NTRK3: variants seen among roughly 807,000 people sequenced by gnomAD.
The protein encoded by NTRK3 is neurotrophic receptor tyrosine kinase 3.
Under a neutral mutation model 91.7 loss-of-function variants are expected in NTRK3, and 24 were observed. The observed-to-expected ratio is 0.26, with a 90% CI of 0.19 to 0.37. The LOEUF is 0.37. Among genes scored for constraint, NTRK3 ranks in the 10% least tolerant of loss-of-function variants. The pLI, the probability that NTRK3 is intolerant of heterozygous loss-of-function variation, is 1.00. For missense variants in NTRK3, 880 were observed against 1,068.9 expected, an observed-to-expected ratio of 0.82 and a Z score of 2.46; for synonymous variants, 483 against 404.0, an observed-to-expected ratio of 1.20 and a Z score of -2.34.
chr15:88,053,948 T>G (rs1017844358), intron 13 of NTRK3, among the ~76,000 whole-genome samples: 1 of 152,166 alleles, frequency 6.6e-6, no homozygotes, highest in Non-Finnish European at 1.5e-5. Flanking sequence ...AATATGACAC[T>G]ACAGGAAGCT....
rs558342420 is a variant in NTRK3, at chr15:88,255,561, G to C, written c.248+345C>G. On this transcript the variant is annotated intron_variant, in intron 3 of 18. Transcript: ENST00000394480. This position sits in a 1 kb window ranked among gnomAD's most constrained non-coding sequence, Gnocchi z 4.3. Reference sequence around the variant, plus strand: ...TCCACTTGAGCGTGGCCAAACTGTTGCTATTTAGTGGGGAGCAAAAAAAAA... The same window carrying C: ...TCCACTTGAGCGTGGCCAAACTGTTCCTATTTAGTGGGGAGCAAAAAAAAA... 2.0e-5 allele frequency among the ~76,000 whole-genome samples: 3 copies of C among 151,892 alleles called. No homozygotes were observed. The highest frequency in any genetic ancestry group is 2.0e-4 in the Admixed American group (3 of 15,274).
At chr15:88,127,086 A>G in intron 12 of NTRK3, 76 bp downstream of exon 12, 1 of 1,289,950 alleles carries the variant, frequency 7.8e-7, no homozygotes, top group Non-Finnish European at 1.1e-6. Flanking sequence ...AATATTTGGA[A>G]AAGTTAGCAA....
At position 87,970,340 on chromosome 15, in the gene NTRK3, C is replaced by T. The variant is rs569583174; in HGVS notation, c.1586-29587G>A. ...GGTTTCCTGATCTTCACAAGAGTGT[C>T]TATCCATCAGCAACCAGAATTTTTT... On this transcript the variant is annotated intron_variant, in intron 14 of 18. Transcript: ENST00000394480. 5.9e-5 allele frequency among the ~76,000 whole-genome samples: 9 copies of T among 152,348 alleles called. No homozygotes were observed. The East Asian group carries it at 1.7e-3, about 29-fold the overall frequency.
chr15:88,197,641 T>C (rs1407672686), intron 3 of NTRK3, among the ~76,000 whole-genome samples: 1 of 152,214 alleles, frequency 6.6e-6, no homozygotes, highest in Non-Finnish European at 1.5e-5. Flanking sequence ...TTCCTGAGGC[T>C]TGAATCCAGC....
At chr15:88,124,189 C>T (rs1178733779) in intron 13 of NTRK3, among the ~76,000 whole-genome samples, 1 of 152,172 alleles carries the variant, frequency 6.6e-6, no homozygotes. Flanking sequence ...TCTCATCTTG[C>T]CTATAACTCC....
At chr15:88,103,196 T>C (rs1392480377) in intron 13 of NTRK3, among the ~76,000 whole-genome samples, 1 of 152,220 alleles carries the variant, frequency 6.6e-6, no homozygotes, top group African/African-American at 2.4e-5. Flanking sequence ...ATTTTATACA[T>C]GTGATTAGTA....
chr15:88,076,212 A>C (rs934526589), intron 13 of NTRK3, among the ~76,000 whole-genome samples: 3 of 152,212 alleles, frequency 2.0e-5, no homozygotes, highest in African/African-American at 7.2e-5. Context: ...GGCAGGTAAG[A>C]GGATGTGTGC....
chr15:87,940,213 C>G (rs1239273481), intron 15 of NTRK3, among the ~76,000 whole-genome samples: 1 of 152,122 alleles, frequency 6.6e-6, no homozygotes, highest in Non-Finnish European at 1.5e-5. Flanking sequence ...ACCCAGTCCT[C>G]CTTAATCAGC....
intron 3 of NTRK3, among the ~76,000 whole-genome samples, chr15:88,230,794 G>T (rs1484207739): frequency 6.6e-6 from 1 of 151,288 alleles, no homozygotes; most frequent in Non-Finnish European, 1.5e-5. Context: ...TATTAACAAA[G>T]CTCAGACAAA....
At chr15:88,194,737 T>C (rs2151702216) in intron 3 of NTRK3, among the ~76,000 whole-genome samples, 1 of 152,308 alleles carries the variant, frequency 6.6e-6, no homozygotes, top group African/African-American at 2.4e-5. Flanking sequence ...TGGCTTCTCC[T>C]GCACTTGGAC....
intron 14 of NTRK3, among the ~76,000 whole-genome samples, chr15:87,950,956 A>G (rs933368835): frequency 6.6e-6 from 1 of 152,204 alleles, no homozygotes; most frequent in Non-Finnish European, 1.5e-5. Context: ...TAGAGTATCC[A>G]TGTCTTCAGG....
At chr15:88,042,803 G>A (rs2079777307) in intron 13 of NTRK3, among the ~76,000 whole-genome samples, 1 of 152,134 alleles carries the variant, frequency 6.6e-6, no homozygotes, top group Non-Finnish European at 1.5e-5. Flanking sequence ...TGATGTAGTT[G>A]AGGAAATTCA....
chr15:88,119,069 C>T (rs1279114235), intron 13 of NTRK3, among the ~76,000 whole-genome samples: 1 of 152,186 alleles, frequency 6.6e-6, no homozygotes, highest in East Asian at 1.9e-4. Context: ...ATAGGAGAGT[C>T]GATGCAAGGG....
chr15:88,105,208 C>T (rs1174603071), intron 13 of NTRK3, among the ~76,000 whole-genome samples: 1 of 152,196 alleles, frequency 6.6e-6, no homozygotes, highest in African/African-American at 2.4e-5. Flanking sequence ...TCGTCCCCAG[C>T]TTATTCTTAA....
chr15:87,906,228 C>A (rs933492878), intron 17 of NTRK3, among the ~76,000 whole-genome samples: 1 of 152,204 alleles, frequency 6.6e-6, no homozygotes, highest in Non-Finnish European at 1.5e-5. Context: ...ATAATGTCTT[C>A]ATGAGAACAG....
intron 14 of NTRK3, among the ~76,000 whole-genome samples, chr15:88,017,338 G>A (rs1304398387): frequency 6.6e-6 from 1 of 152,174 alleles, no homozygotes; most frequent in African/African-American, 2.4e-5. Flanking sequence ...TAGGATACAA[G>A]GATGCAGAAG....
intron 14 of NTRK3, among the ~76,000 whole-genome samples, chr15:87,995,067 G>C (rs1044821029): frequency 3.9e-5 from 6 of 152,174 alleles, no homozygotes; most frequent in African/African-American, 1.4e-4. Context: ...TCCAAATGTT[G>C]AATTCTGTTT....
chr15:88,188,061 C>T (rs1046177853), intron 3 of NTRK3, among the ~76,000 whole-genome samples: 2 of 152,176 alleles, frequency 1.3e-5, no homozygotes, highest in Non-Finnish European at 2.9e-5. Flanking sequence ...CATCCCTGCC[C>T]GGACATCTTA....
In NTRK3 at chr15:87,933,083, C is replaced by A. The variant is rs563080315; in HGVS notation, c.1818G>T (p.Val606=). ...TGATGAGGGGGTCCCCATCGCCGCA[C>A]ACTCCATAGAACTTGACAATGTGCT... The change falls in exon 16 of 19, where the codon GTG becomes GTT. Residue 606 remains valine, a synonymous_variant. Coordinates refer to ENST00000394480, the Ensembl canonical transcript of NTRK3. 184 of 1,614,106 alleles carry A rather than the reference C, an allele frequency of 1.1e-4. 2 individuals are homozygous for A. In the Admixed American group the frequency reaches 3.0e-3, roughly 27 times the overall value.
Sources: gnomAD v4.1 joint callset for allele counts (sites outside exome capture counted in the v4.1 genomes callset) on GRCh38, gnomAD v4.1.1 for gene constraint, Gnocchi (gnomAD v3.1) non-coding constraint, MANE v1.5 for transcripts, NCBI Gene and HGNC (gene_info 2026-07-23, HGNC 2026-07-21) for gene names.